SUGCT: variants seen among roughly 807,000 people sequenced by gnomAD.
SUGCT encodes succinyl-CoA:glutarate-CoA transferase.
Under a neutral mutation model 55.0 loss-of-function variants are expected in SUGCT, and 41 were observed. The ratio of observed to expected loss-of-function variants is 0.74; its 90% CI spans 0.58 to 0.97. The LOEUF is 0.97. Ranked by LOEUF, SUGCT falls within the 50% of genes least tolerant of loss-of-function variation. The pLI, the probability that SUGCT is intolerant of heterozygous loss-of-function variation, is 0.00. For missense variants in SUGCT, 568 were observed against 547.8 expected, an observed-to-expected ratio of 1.04 and a Z score of -0.37; for synonymous variants, 187 against 200.4, an observed-to-expected ratio of 0.93 and a Z score of 0.56.
intron 8 of SUGCT, among the ~76,000 whole-genome samples, chr7:40,291,461 C>T (rs1202145228): frequency 3.0e-5 from 4 of 131,610 alleles, no homozygotes; most frequent in Non-Finnish European, 6.1e-5. Flanking sequence ...ACAATGAGAA[C>T]ACATGGACAC....
chr7:40,653,986 C>A (rs1800898806), intron 12 of SUGCT, among the ~76,000 whole-genome samples: 1 of 149,754 alleles, frequency 6.7e-6, no homozygotes, highest in South Asian at 2.1e-4. Flanking sequence ...AAAACCACAA[C>A]AACAACAATT....
the SUGCT span, among the ~76,000 whole-genome samples, chr7:41,020,779 G>T: frequency 1.3e-5 from 2 of 152,282 alleles, no homozygotes; most frequent in African/African-American, 4.8e-5. Context: ...TTCTGGATAA[G>T]TCATAAGACC....
At chr7:40,232,936 A>G (rs1458505807) in intron 6 of SUGCT, among the ~76,000 whole-genome samples, 2 of 152,180 alleles carry the variant, frequency 1.3e-5, no homozygotes, top group African/African-American at 2.4e-5. Context: ...TTGGAATTGT[A>G]AAGCTAAAAA....
rs1011031392 is a variant in SUGCT at position 40,493,937 on chromosome 7, T to C, written c.987-2347T>C. Among the ~76,000 whole-genome samples, 3 of 152,334 alleles carry C rather than the reference T, an allele frequency of 2.0e-5. 1 individual carries two copies. The highest frequency in any genetic ancestry group is 1.3e-4 in the Admixed American group (2 of 15,286). On this transcript the variant is annotated intron_variant, in intron 11 of 13. Coordinates refer to ENST00000335693, the MANE Select transcript of SUGCT (RefSeq NM_001193313.2). ...TTCTGTCTCTCTCTGATTGAGTTCA[T>C]GGCATTTCAGAACCCTTCCACACCC...
At chr7:41,037,818 C>T in the SUGCT span, among the ~76,000 whole-genome samples, 540 of 150,750 alleles carry the variant, frequency 3.6e-3, 2 homozygotes, top group African/African-American at 0.013. Context: ...ATGGAAACTT[C>T]TTAAGTAATT....
intron 6 of SUGCT, among the ~76,000 whole-genome samples, chr7:40,232,117 A>T (rs1255048813): frequency 6.6e-6 from 1 of 152,218 alleles, no homozygotes; most frequent in African/African-American, 2.4e-5. Context: ...TCAATCAGTC[A>T]ATCACTGTGA....
At chr7:40,263,035 G>A (rs1791330027) in intron 7 of SUGCT, among the ~76,000 whole-genome samples, 1 of 152,174 alleles carries the variant, frequency 6.6e-6, no homozygotes, top group African/African-American at 2.4e-5. Flanking sequence ...CGATTCTGCT[G>A]CCTCAGCCTC....
intron 9 of SUGCT, among the ~76,000 whole-genome samples, chr7:40,427,688 C>T (rs1384045422): frequency 2.0e-5 from 3 of 152,052 alleles, no homozygotes; most frequent in Non-Finnish European, 4.4e-5. Context: ...GCTGAATGTC[C>T]CATGCCAGGG....
chr7:40,377,205 T>TCC (rs1784627796), intron 9 of SUGCT, among the ~76,000 whole-genome samples: 2 of 5,504 alleles, frequency 3.6e-4, no homozygotes, highest in Non-Finnish European at 2.2e-3. Context: ...TTTCTTTTCT[T>TCC]TTCTTTTCTT....
At chr7:40,444,502 A>G (rs1157740519) in intron 9 of SUGCT, among the ~76,000 whole-genome samples, 1 of 151,990 alleles carries the variant, frequency 6.6e-6, no homozygotes, top group East Asian at 1.9e-4. Flanking sequence ...ATGGGTGTTC[A>G]CTCGTGATTT....
chr7:40,906,943 C>A, the SUGCT span, among the ~76,000 whole-genome samples: 1 of 152,112 alleles, frequency 6.6e-6, no homozygotes, highest in Non-Finnish European at 1.5e-5. Context: ...TTCCTTCAAG[C>A]ATTGCTGGCC....
At chr7:40,638,226 T>C (rs1434163621) in intron 12 of SUGCT, among the ~76,000 whole-genome samples, 3 of 152,224 alleles carry the variant, frequency 2.0e-5, no homozygotes, top group East Asian at 3.8e-4. Context: ...GTGAGGTGTG[T>C]TGTAAAACAT....
At chr7:40,534,982 G>A (rs1265608133) in intron 12 of SUGCT, among the ~76,000 whole-genome samples, 2 of 151,906 alleles carry the variant, frequency 1.3e-5, no homozygotes, top group African/African-American at 4.8e-5. Flanking sequence ...TTAGTGTTTG[G>A]TGAGTGACTC....
chr7:40,737,603 G>A (rs187788315), intron 12 of SUGCT, among the ~76,000 whole-genome samples: 177 of 152,276 alleles, frequency 1.2e-3, no homozygotes, highest in African/African-American at 4.0e-3. Flanking sequence ...AAAAAATGTG[G>A]GGAACCAAGA....
chr7:40,274,460 G>T, intron 7 of SUGCT, 53 bp from the exon 8 acceptor site: 2 of 1,567,812 alleles, frequency 1.3e-6, no homozygotes, highest in Non-Finnish European at 8.7e-7. Context: ...GAAATCATAT[G>T]ATTCTTTTAA....
chr7:40,637,904 A>G lies in SUGCT; in HGVS notation c.1090-111530A>G, dbSNP rs953824049. ...GAAGGAAAGCTTTGGGCTCAGTAAC[A>G]CAGTGTTTCTTCTAATGACTTGTAC... On this transcript the variant is annotated intron_variant, in intron 12 of 13. Coordinates refer to ENST00000335693, the MANE Select transcript of SUGCT (RefSeq NM_001193313.2). Among the ~76,000 whole-genome samples, 3 of 152,254 alleles carry G rather than the reference A, an allele frequency of 2.0e-5. No homozygotes were observed. In the East Asian group the frequency reaches 5.8e-4, roughly 29 times the overall value.
chr7:40,311,141 G>C (rs1795125582), intron 8 of SUGCT, among the ~76,000 whole-genome samples: 3 of 152,122 alleles, frequency 2.0e-5, no homozygotes, highest in African/African-American at 7.2e-5. Context: ...GTTAAGTTTG[G>C]TTTCTCCTCT....
the SUGCT span, among the ~76,000 whole-genome samples, chr7:40,920,324 A>G: frequency 6.6e-6 from 1 of 152,302 alleles, no homozygotes; most frequent in Admixed American, 6.5e-5. Context: ...TTCTGTGAGG[A>G]AAGTATGCCC....
intron 9 of SUGCT, among the ~76,000 whole-genome samples, chr7:40,437,628 C>A (rs1788249797): frequency 6.6e-6 from 1 of 152,126 alleles, no homozygotes; most frequent in Non-Finnish European, 1.5e-5. Flanking sequence ...CCATCTGGCT[C>A]AGCCCAGTTC....
Sources: allele counts gnomAD v4.1 joint callset (sites outside exome capture counted in the v4.1 genomes callset), GRCh38; gene constraint gnomAD v4.1.1; transcripts MANE v1.5; gene names NCBI Gene and HGNC (gene_info 2026-07-23, HGNC 2026-07-21).